The following ZBTB7C variants were observed in gnomAD, a reference collection of about 807,000 sequenced individuals.
ZBTB7C encodes the protein zinc finger and BTB domain-containing protein 7C.
In ZBTB7C, 8 loss-of-function variants were observed where a neutral mutation model predicts 25.7. That is an observed-to-expected ratio of 0.31 (90% CI 0.18 to 0.56). The LOEUF (loss-of-function observed/expected upper bound fraction) is 0.56. ZBTB7C is among the 20% of genes least tolerant of loss of function. The probability of loss-of-function intolerance (pLI) is 0.91; values close to 1 mark genes in which losing one functional copy is unlikely to be tolerated. For synonymous variants in ZBTB7C, 394 were observed against 369.0 expected (o/e 1.07, Z -0.78); for missense variants, 824 against 855.2 (o/e 0.96, Z 0.46).
intron 2 of ZBTB7C, among the ~76,000 whole-genome samples, chr18:48,290,126 G>C (rs901072533): frequency 6.6e-6 from 1 of 152,166 alleles, no homozygotes; most frequent in Non-Finnish European, 1.5e-5. Context: ...TTAGCACCTC[G>C]TACACGCTCA....
chr18:48,412,345 T>C (rs140654020), upstream of ZBTB7C, among the ~76,000 whole-genome samples: 38 of 152,380 alleles, frequency 2.5e-4, no homozygotes, highest in African/African-American at 8.7e-4. Flanking sequence ...CAGAGCTCTT[T>C]CTAGATTAGA....
At chr18:48,151,469 CACTGTTCAAA>C (rs2040676096) in intron 3 of ZBTB7C, among the ~76,000 whole-genome samples, 1 of 151,614 alleles carries the variant, frequency 6.6e-6, no homozygotes, top group African/African-American at 2.4e-5. Flanking sequence ...CTGACACCTG[CACTGTTCAAA>C]AGAGTCCGTC....
intron 2 of ZBTB7C, among the ~76,000 whole-genome samples, chr18:48,223,899 A>T (rs1944579): frequency 6.6e-6 from 1 of 152,218 alleles, no homozygotes; most frequent in African/African-American, 2.4e-5. Context: ...ATGTCCCAGA[A>T]AACCTTGGAG....
intron 3 of ZBTB7C, among the ~76,000 whole-genome samples, chr18:48,112,410 G>A (rs1020527235): frequency 6.6e-6 from 1 of 151,036 alleles, no homozygotes; most frequent in African/African-American, 2.4e-5. Flanking sequence ...ACAGTGGTGC[G>A]ATCTCAGCTC....
Position 48,195,017 on chromosome 18 carries a change from G to A in ZBTB7C, c.-78-9022C>T, listed in dbSNP as rs113558203. Among the ~76,000 whole-genome samples, 546 of 152,222 alleles carry A rather than the reference G, an allele frequency of 3.6e-3. 5 individuals are homozygous for A. Among genetic ancestry groups the A allele is most frequent in the Non-Finnish European group, 4.9e-3 (333 of 68,012 alleles). On this transcript the variant is annotated intron_variant, in intron 2 of 4. Transcript: ENST00000590800. ...TGTGGCCCAAAAATGTAATCTCTGC[G>A]TACCAGCCTCTGATTCAGAGAAGTA...
At chr18:48,095,477 C>T (rs1420467279) in intron 3 of ZBTB7C, among the ~76,000 whole-genome samples, 2 of 151,998 alleles carry the variant, frequency 1.3e-5, no homozygotes, top group Non-Finnish European at 2.9e-5. Flanking sequence ...TTTGGGAGGC[C>T]GAGGCAGGTT....
chr18:48,029,191 G>GGTAGGGTA lies in ZBTB7C; in HGVS notation c.*61_*68dup. On this transcript the variant is annotated 3_prime_UTR_variant, in exon 5 of 5. Transcript: ENST00000590800. The stretch of plus-strand genomic sequence containing the variant: ...TAAAATGAAAAGTTCAGATCCATGG[G>GGTAGGGTA]GTAGGGTAGAGTGGGCCTGGAGGGA... 6.8e-7 allele frequency: 1 copy of GGTAGGGTA among 1,468,794 alleles called. No individual in the cohort carries two copies. The highest frequency in any genetic ancestry group is 8.9e-7 in the Non-Finnish European group (1 of 1,118,302). The allele number at this position is 1,468,794 out of a possible 1,614,324, so 91.0% of individuals were successfully genotyped here.
chr18:48,083,789 TG>T (rs887784578), intron 3 of ZBTB7C: 7 of 969,630 alleles, frequency 7.2e-6, no homozygotes, highest in Non-Finnish European at 8.6e-6. Flanking sequence ...GAAACTCCTT[TG>T]TTCCTTCTGA....
At chr18:48,237,115 T>C (rs1248844454) in intron 2 of ZBTB7C, among the ~76,000 whole-genome samples, 4 of 152,204 alleles carry the variant, frequency 2.6e-5, no homozygotes, top group Non-Finnish European at 5.9e-5. Context: ...AGCAATATTC[T>C]GGCTTCTCCC....
chr18:48,191,240 G>A (rs1466644869), intron 2 of ZBTB7C, among the ~76,000 whole-genome samples: 4 of 152,192 alleles, frequency 2.6e-5, no homozygotes, highest in African/African-American at 4.8e-5. Flanking sequence ...GTGGCTGGGA[G>A]GATGGCCAGG....
intron 3 of ZBTB7C, among the ~76,000 whole-genome samples, chr18:48,097,506 C>A (rs1177244335): frequency 6.6e-6 from 1 of 152,124 alleles, no homozygotes; most frequent in Non-Finnish European, 1.5e-5. Context: ...AAGGCATTCT[C>A]CTGCTCCAGC....
At chr18:48,309,251 A>T (rs115217001) in intron 2 of ZBTB7C, among the ~76,000 whole-genome samples, 3,547 of 152,340 alleles carry the variant, frequency 0.023, 67 homozygotes, top group South Asian at 0.077. Flanking sequence ...CAAGGGCTAC[A>T]TCCAGGTTAT....
At chr18:48,250,291 G>T (rs531965167) in intron 2 of ZBTB7C, among the ~76,000 whole-genome samples, 21 of 152,222 alleles carry the variant, frequency 1.4e-4, no homozygotes, top group African/African-American at 5.1e-4. Flanking sequence ...CACCTTCCTT[G>T]TGATACCTTC....
At chr18:48,260,332 C>G (rs951525849) in intron 2 of ZBTB7C, among the ~76,000 whole-genome samples, 7 of 152,174 alleles carry the variant, frequency 4.6e-5, no homozygotes, top group African/African-American at 1.7e-4. Context: ...ACCGAGCATT[C>G]CCTTCCCCCT....
intron 3 of ZBTB7C, among the ~76,000 whole-genome samples, chr18:48,153,024 G>A (rs904134292): frequency 2.0e-5 from 3 of 152,228 alleles, no homozygotes; most frequent in African/African-American, 7.2e-5. Context: ...GGGGCTTCTG[G>A]TGCCTGGGCA....
chr18:48,180,679 G>C (rs1253381108), intron 3 of ZBTB7C, among the ~76,000 whole-genome samples: 1 of 152,164 alleles, frequency 6.6e-6, no homozygotes, highest in Admixed American at 6.5e-5. Context: ...TATACAGCTA[G>C]CAACACTTTT....
intron 1 of ZBTB7C, among the ~76,000 whole-genome samples, chr18:48,347,253 G>A (rs1189736916): frequency 3.1e-5 from 4 of 127,910 alleles, no homozygotes; most frequent in Admixed American, 7.7e-5. Flanking sequence ...CTACAGGCAC[G>A]CACCACCATG....
chr18:48,179,646 C>T (rs914442920), intron 3 of ZBTB7C, among the ~76,000 whole-genome samples: 2 of 151,954 alleles, frequency 1.3e-5, no homozygotes, highest in African/African-American at 4.8e-5. Flanking sequence ...GCTGGAATGC[C>T]CTCGACTGCA....
chr18:48,097,509 G>T (rs2038681933), intron 3 of ZBTB7C, among the ~76,000 whole-genome samples: 1 of 152,048 alleles, frequency 6.6e-6, no homozygotes, highest in Admixed American at 6.5e-5. Context: ...GCATTCTCCT[G>T]CTCCAGCCTC....
Sources: allele counts gnomAD v4.1 joint callset (sites outside exome capture counted in the v4.1 genomes callset), GRCh38; gene constraint gnomAD v4.1.1; transcripts MANE v1.5; gene names NCBI Gene and HGNC (gene_info 2026-07-23, HGNC 2026-07-21).